Variants in GCFC2 observed in about 807,000 individuals in gnomAD.
GCFC2 encodes the protein GC-rich sequence DNA-binding factor 2.
In GCFC2, 102 loss-of-function variants were observed where a neutral mutation model predicts 99.4. The observed-to-expected ratio is 1.03, with a 90% CI of 0.87 to 1.21. The LOEUF is 1.21. GCFC2 is among the 50% of genes most tolerant of loss of function. The pLI, the probability that GCFC2 is intolerant of heterozygous loss-of-function variation, is 0.00. For synonymous variants in GCFC2, 338 were observed against 316.8 expected (o/e 1.07, Z -0.71); for missense variants, 973 against 920.9 (o/e 1.06, Z -0.73).
At chr2:75,684,024 A>C (rs1263195165) in intron 11 of GCFC2, among the ~76,000 whole-genome samples, 1 of 152,154 alleles carries the variant, frequency 6.6e-6, no homozygotes, top group African/African-American at 2.4e-5. Flanking sequence ...CCACACAATA[A>C]TAGTGGGAGC....
intron 12 of GCFC2, among the ~76,000 whole-genome samples, chr2:75,678,851 G>A (rs373465498): frequency 6.6e-6 from 1 of 152,142 alleles, no homozygotes; most frequent in African/African-American, 2.4e-5. Context: ...GCTCAAGGGG[G>A]AGCCCAGCTA....
chr2:75,694,155 T>A, intron 6 of GCFC2, 86 bp downstream of exon 6: 1 of 419,304 alleles, frequency 2.4e-6, no homozygotes, highest in Non-Finnish European at 4.3e-6. Flanking sequence ...GAGAAAAGTA[T>A]CTAATTGTGA....
At chr2:75,689,538 TG>T (rs1573068482) in intron 9 of GCFC2, among the ~76,000 whole-genome samples, 4 of 152,144 alleles carry the variant, frequency 2.6e-5, no homozygotes, top group African/African-American at 9.6e-5. Context: ...TCAAAAAATT[TG>T]TCTAAGATTA....
intron 12 of GCFC2, among the ~76,000 whole-genome samples, chr2:75,675,628 C>T (rs1679296744): frequency 6.6e-6 from 1 of 151,328 alleles, no homozygotes; most frequent in African/African-American, 2.4e-5. Flanking sequence ...CTTGTAATCC[C>T]AGCTGCTTGG....
chr2:75,698,653 A>G (rs1670904199), intron 4 of GCFC2, among the ~76,000 whole-genome samples: 1 of 152,196 alleles, frequency 6.6e-6, no homozygotes, highest in Admixed American at 6.5e-5. Flanking sequence ...TAAATTTTTT[A>G]GGGAAAAACC....
At chr2:75,693,284 C>A (rs1558745324) in intron 6 of GCFC2, among the ~76,000 whole-genome samples, 1 of 151,888 alleles carries the variant, frequency 6.6e-6, no homozygotes, top group Non-Finnish European at 1.5e-5. Context: ...ACTAAAAATA[C>A]AAAACATTAG....
Position 75,692,080 on chromosome 2 carries a change from TATTTCTTGGATGTTG to T in GCFC2, c.1026_1040del (p.Asn343_Ile347del). 1 of 1,499,652 alleles carries T rather than the reference TATTTCTTGGATGTTG, an allele frequency of 6.7e-7. No homozygotes were observed. Among genetic ancestry groups the T allele is most frequent in the Non-Finnish European group, 9.0e-7 (1 of 1,110,338 alleles). 92.9% of individuals were successfully genotyped at this position (1,499,652 alleles called of 1,614,324 possible). Reference sequence around the variant, plus strand: ...AAAGGAGTGCATGCATGGATGATTCTATTTCTTGGATGTTGATAATCTGAAATACACATATAAGTA... The same window carrying T: ...AAAGGAGTGCATGCATGGATGATTCTATAATCTGAAATACACATATAAGTA... On this transcript the variant is annotated inframe_deletion, in exon 7 of 17. Transcript: ENST00000321027.
chr2:75,706,356 C>A (rs1443756781), intron 2 of GCFC2, among the ~76,000 whole-genome samples, 167 bp downstream of exon 2: 2 of 152,170 alleles, frequency 1.3e-5, no homozygotes, highest in Non-Finnish European at 2.9e-5. Flanking sequence ...GCTGTCTGAC[C>A]TGTGCATGTT....
chr2:75,683,706 T>C (rs1262281587), intron 11 of GCFC2, among the ~76,000 whole-genome samples: 1 of 139,166 alleles, frequency 7.2e-6, no homozygotes, highest in Non-Finnish European at 1.5e-5. Context: ...ACCCATCTCA[T>C]GTAAAGAGAC....
intron 9 of GCFC2, among the ~76,000 whole-genome samples, chr2:75,689,688 G>A (rs112639214): frequency 1.3e-5 from 2 of 152,058 alleles, no homozygotes; most frequent in Non-Finnish European, 2.9e-5. Context: ...AATATAGAAA[G>A]TATGTGTGGT....
intron 12 of GCFC2, among the ~76,000 whole-genome samples, chr2:75,674,183 A>G (rs955855845): frequency 3.3e-5 from 5 of 152,188 alleles, no homozygotes; most frequent in Admixed American, 3.3e-4. Context: ...CTGCTTGCCA[A>G]CATTGCTATT....
rs1267972135 is a variant in GCFC2, at chr2:75,663,154, A to G, written c.*1512T>C. Reference sequence around the variant, plus strand: ...TCATACCAGTGAATCACAAGTCCTCACTGCAACAGACATAACAAATCCAAC... The same window carrying G: ...TCATACCAGTGAATCACAAGTCCTCGCTGCAACAGACATAACAAATCCAAC... On this transcript the variant is annotated 3_prime_UTR_variant, in exon 17 of 17. Transcript: ENST00000321027. The G allele has an allele frequency of 6.6e-6, 1 of 152,166 alleles. No homozygotes were observed. The highest frequency in any genetic ancestry group is 2.4e-5 in the African/African-American group (1 of 41,460). 9.4% of individuals were successfully genotyped at this position (152,166 alleles called of 1,614,324 possible).
At chr2:75,712,232 T>C (rs1573107311), upstream of GCFC2, among the ~76,000 whole-genome samples, 2 of 115,952 alleles carry the variant, frequency 1.7e-5, no homozygotes, top group Non-Finnish European at 4.3e-5. Context: ...CCTTTATGTC[T>C]AGCTCAGGGA....
intron 11 of GCFC2, among the ~76,000 whole-genome samples, chr2:75,681,883 C>T (rs1047521231): frequency 2.6e-5 from 4 of 151,938 alleles, no homozygotes; most frequent in African/African-American, 9.7e-5. Flanking sequence ...TGCGGCCAGA[C>T]TGCCTCTCTA....
At chr2:75,683,081 G>A (rs191695926) in intron 11 of GCFC2, among the ~76,000 whole-genome samples, 1 of 151,810 alleles carries the variant, frequency 6.6e-6, no homozygotes, top group East Asian at 1.9e-4. Context: ...TCAAATTCAG[G>A]AAATACAGAG....
chr2:75,707,359 G>C (rs1680919346), intron 1 of GCFC2, among the ~76,000 whole-genome samples: 1 of 152,176 alleles, frequency 6.6e-6, no homozygotes, highest in South Asian at 2.1e-4. Flanking sequence ...CAGGGGTGTT[G>C]TGAAAATTGA....
At position 75,692,128 on chromosome 2, in the gene GCFC2, G is replaced by A. The variant is rs199611436; in HGVS notation, c.1021-28C>T. 12 of 1,129,516 alleles carry A rather than the reference G, an allele frequency of 1.1e-5. No individual in the cohort carries two copies. The African/African-American group carries it at 2.0e-4, about 19-fold the overall frequency. 70.0% of individuals were successfully genotyped at this position (1,129,516 alleles called of 1,614,324 possible). A position where few individuals can be genotyped will look rare whatever the true frequency, so the allele number is the denominator to read the frequency against. ...GAAATACACATATAAGTAACATTTT[G>A]CAGGTCATCGATAATGAAATATATA... On this transcript the variant is annotated intron_variant, in intron 6 of 16. Coordinates refer to ENST00000321027, the MANE Select transcript of GCFC2 (RefSeq NM_003203.5).
At chr2:75,682,825 C>T (rs1679638862) in intron 11 of GCFC2, among the ~76,000 whole-genome samples, 1 of 151,668 alleles carries the variant, frequency 6.6e-6, no homozygotes, top group Non-Finnish European at 1.5e-5. Flanking sequence ...CTGAATCGAT[C>T]AAGTGGAAGA....
At position 75,692,093 on chromosome 2, in the gene GCFC2, T is replaced by G. The variant is rs139346154; in HGVS notation, c.1028A>C (p.Asn343Thr). 6.8e-7 allele frequency: 1 copy of G among 1,474,258 alleles called. No homozygotes were observed. The highest frequency in any genetic ancestry group is 1.4e-5 in the African/African-American group (1 of 71,842). 91.3% of individuals were successfully genotyped at this position (1,474,258 alleles called of 1,614,324 possible). A position where few individuals can be genotyped will look rare whatever the true frequency, so the allele number is the denominator to read the frequency against. The change falls in exon 7 of 17, where the codon AAC becomes ACC. Residue 343 changes from asparagine (N) to threonine (T), a missense_variant. Physicochemically the swap from Asn to Thr is moderately conservative, Grantham distance 65 (BLOSUM62 0). Coordinates refer to ENST00000321027, the MANE Select transcript of GCFC2 (RefSeq NM_003203.5). ...LIDCLNEKIINIQEIESSMHA... is the reference protein window; with the variant it reads ...LIDCLNEKIITIQEIESSMHA... The stretch of plus-strand genomic sequence containing the variant: ...CATGGATGATTCTATTTCTTGGATG[T>G]TGATAATCTGAAATACACATATAAG...
Sources: gnomAD v4.1 joint callset for allele counts (sites outside exome capture counted in the v4.1 genomes callset) on GRCh38, gnomAD v4.1.1 for gene constraint, MANE v1.5 for transcripts, NCBI Gene and HGNC (gene_info 2026-07-23, HGNC 2026-07-21) for gene names.